The following SDK1 variants were observed in gnomAD, a reference collection of about 807,000 sequenced individuals.
SDK1 encodes the protein protein sidekick-1.
SDK1 carries 157 observed loss-of-function variants against 245.5 expected under a neutral mutation model. The ratio of observed to expected loss-of-function variants is 0.64; its 90% CI spans 0.56 to 0.73. SDK1 has a LOEUF of 0.73. SDK1 is among the 30% of genes least tolerant of loss of function. The probability of loss-of-function intolerance (pLI) is 0.00; values close to 1 mark genes in which losing one functional copy is unlikely to be tolerated. For missense variants in SDK1, 3,583 were observed against 3,002.3 expected (o/e 1.19, Z -4.52); for synonymous variants, 1,647 against 1,278.5 (o/e 1.29, Z -6.15).
At chr7:4,165,966 T>A (rs1034662480) in intron 32 of SDK1, among the ~76,000 whole-genome samples, 2 of 151,868 alleles carry the variant, frequency 1.3e-5, no homozygotes, top group Admixed American at 6.6e-5. Flanking sequence ...CTTCAAAAAA[T>A]TTCATAGAGA....
intron 1 of SDK1, among the ~76,000 whole-genome samples, chr7:3,598,401 T>C (rs1345299376): frequency 6.6e-6 from 1 of 152,204 alleles, no homozygotes; most frequent in Non-Finnish European, 1.5e-5. Flanking sequence ...TTTATTTTTA[T>C]TTTATTTTGA....
chr7:3,422,803 T>A (rs2128581382), intron 1 of SDK1, among the ~76,000 whole-genome samples: 1 of 152,310 alleles, frequency 6.6e-6, no homozygotes, highest in South Asian at 2.1e-4. Flanking sequence ...TATGATAGAC[T>A]GTTAATTCCT....
At chr7:3,393,577 G>T (rs1293819799) in intron 1 of SDK1, among the ~76,000 whole-genome samples, 1 of 152,188 alleles carries the variant, frequency 6.6e-6, no homozygotes, top group Non-Finnish European at 1.5e-5. Flanking sequence ...ATTATTCGCA[G>T]ATCAGAATAC....
intron 1 of SDK1, among the ~76,000 whole-genome samples, chr7:3,468,107 A>C (rs563991265): frequency 6.6e-6 from 1 of 152,308 alleles, no homozygotes; most frequent in South Asian, 2.1e-4. Flanking sequence ...TAAAGCAGAG[A>C]GAAATCATTC....
At chr7:3,917,814 G>A (rs1450574143) in intron 5 of SDK1, among the ~76,000 whole-genome samples, 1 of 152,158 alleles carries the variant, frequency 6.6e-6, no homozygotes, top group Non-Finnish European at 1.5e-5. Flanking sequence ...ACATGCACAT[G>A]TATGTAGATA....
intron 1 of SDK1, among the ~76,000 whole-genome samples, chr7:3,517,898 A>G (rs1782803460): frequency 2.0e-5 from 3 of 152,142 alleles, no homozygotes; most frequent in Non-Finnish European, 4.4e-5. Flanking sequence ...TCTTTAGCCC[A>G]TTCTCAGTGA....
intron 28 of SDK1, among the ~76,000 whole-genome samples, chr7:4,136,532 G>C (rs1779103910): frequency 6.6e-6 from 1 of 152,236 alleles, no homozygotes; most frequent in African/African-American, 2.4e-5. Context: ...ACCTAGAGGA[G>C]AAAACACTTG....
At chr7:3,450,062 G>A (rs1038593258) in intron 1 of SDK1, among the ~76,000 whole-genome samples, 17 of 152,200 alleles carry the variant, frequency 1.1e-4, no homozygotes, top group African/African-American at 3.4e-4. Flanking sequence ...GGTTGAGGGT[G>A]GTTGGAGGGA....
rs1479553636 is a variant in SDK1 at position 4,017,151 on chromosome 7, G to A, written c.2421-20G>A. ...GGTCCAGTTATTTCCTTATCGTGAT[G>A]GGCTTCCTTCGTGGCGCAGGTACCG... On this transcript the variant is annotated intron_variant, in intron 16 of 44. Transcript: ENST00000404826. 6.3e-7 allele frequency: 1 copy of A among 1,589,738 alleles called. No homozygotes were observed. Among genetic ancestry groups the A allele is most frequent in the African/African-American group, 1.3e-5 (1 of 74,500 alleles).
At chr7:3,362,611 A>G (rs1172420286) in intron 1 of SDK1, among the ~76,000 whole-genome samples, 1 of 152,204 alleles carries the variant, frequency 6.6e-6, no homozygotes, top group African/African-American at 2.4e-5. Flanking sequence ...GAAGAAATGT[A>G]CAAGATTTAA....
chr7:3,401,359 A>G (rs1477709963), intron 1 of SDK1, among the ~76,000 whole-genome samples: 1 of 152,200 alleles, frequency 6.6e-6, no homozygotes, highest in Non-Finnish European at 1.5e-5. Flanking sequence ...TTTCCTGTTT[A>G]CTGTGTGACA....
At chr7:4,137,682 G>T (rs1025750546) in intron 28 of SDK1, among the ~76,000 whole-genome samples, 1 of 152,126 alleles carries the variant, frequency 6.6e-6, no homozygotes, top group Non-Finnish European at 1.5e-5. Flanking sequence ...TAAAAACAGG[G>T]CTCCTCGTAA....
At chr7:3,887,308 C>T (rs1781360099) in intron 5 of SDK1, among the ~76,000 whole-genome samples, 1 of 152,102 alleles carries the variant, frequency 6.6e-6, no homozygotes, top group African/African-American at 2.4e-5. Flanking sequence ...TTTCTATTTC[C>T]ATGTCATTAG....
chr7:3,952,110 G>C, intron 7 of SDK1, 190 bp downstream of exon 7: 1 of 595,668 alleles, frequency 1.7e-6, no homozygotes, highest in Non-Finnish European at 2.9e-6. Context: ...TAAATCCAAA[G>C]TGTTGATGTT....
intron 7 of SDK1, chr7:3,957,979 G>A (rs561054366): frequency 1.9e-4 from 90 of 470,496 alleles, no homozygotes; most frequent in African/African-American, 1.3e-3. Flanking sequence ...ACCTTCAGCC[G>A]CTTCCCCCTT....
chr7:3,846,942 T>C (rs888816305), intron 5 of SDK1, among the ~76,000 whole-genome samples: 2 of 151,982 alleles, frequency 1.3e-5, no homozygotes, highest in African/African-American at 4.8e-5. Flanking sequence ...CCTGTAGAGG[T>C]CTATGTTGGT....
chr7:3,567,304 G>T (rs964018168), intron 1 of SDK1, among the ~76,000 whole-genome samples: 1 of 152,306 alleles, frequency 6.6e-6, no homozygotes, highest in African/African-American at 2.4e-5. Context: ...AGAATGAAAT[G>T]GCTTGATACC....
intron 1 of SDK1, among the ~76,000 whole-genome samples, chr7:3,447,368 A>C (rs1213476187): frequency 2.0e-5 from 3 of 152,178 alleles, no homozygotes; most frequent in Non-Finnish European, 4.4e-5. Context: ...ACTGATGTTA[A>C]CATTGTAGGG....
chr7:3,959,745 C>G (rs749476195), intron 8 of SDK1, among the ~76,000 whole-genome samples: 1 of 152,020 alleles, frequency 6.6e-6, no homozygotes, highest in Non-Finnish European at 1.5e-5. Flanking sequence ...AAAAGACACC[C>G]TTTTATTCTT....
Sources: allele counts gnomAD v4.1 joint callset (sites outside exome capture counted in the v4.1 genomes callset), GRCh38; gene constraint gnomAD v4.1.1; transcripts MANE v1.5; gene names NCBI Gene and HGNC (gene_info 2026-07-23, HGNC 2026-07-21).